Variants in DPH6 observed in about 807,000 individuals in gnomAD.
The protein encoded by DPH6 is diphthine--ammonia ligase.
Under a neutral mutation model 38.2 loss-of-function variants are expected in DPH6, and 33 were observed. The ratio of observed to expected loss-of-function variants is 0.86; its 90% CI spans 0.65 to 1.15. The LOEUF is 1.15. Among genes scored for constraint, DPH6 ranks in the 50% most tolerant of loss-of-function variants. The pLI is 0.00. For synonymous variants in DPH6, 108 were observed against 103.0 expected (o/e 1.05, Z -0.30); for missense variants, 325 against 320.0 (o/e 1.02, Z -0.12).
the DPH6 span, among the ~76,000 whole-genome samples, chr15:35,167,659 T>G: frequency 6.6e-6 from 1 of 151,660 alleles, no homozygotes; most frequent in African/African-American, 2.4e-5. Context: ...GTTAGACAGA[T>G]AGTTTAATAG....
At chr15:35,157,049 A>G in the DPH6 span, among the ~76,000 whole-genome samples, 32 of 152,298 alleles carry the variant, frequency 2.1e-4, no homozygotes, top group South Asian at 3.9e-3. Flanking sequence ...ATCATTACAC[A>G]ATCTGTTTCA....
intron 6 of DPH6, among the ~76,000 whole-genome samples, chr15:35,405,532 T>C (rs2053280209): frequency 6.6e-6 from 1 of 152,124 alleles, no homozygotes. Context: ...GACATGCTAT[T>C]GATTTTTGTT....
At chr15:35,191,744 C>T in the DPH6 span, among the ~76,000 whole-genome samples, 1 of 152,152 alleles carries the variant, frequency 6.6e-6, no homozygotes, top group African/African-American at 2.4e-5. Context: ...CTGAGAAAAA[C>T]AACCCTCAGA....
chr15:35,290,295 C>G (rs1194499341), intron 3 of DPH6, among the ~76,000 whole-genome samples: 1 of 152,180 alleles, frequency 6.6e-6, no homozygotes, highest in East Asian at 1.9e-4. Context: ...CAGCGAGACC[C>G]AATCCCCTCA....
chr15:35,460,948 C>G (rs1595384507), intron 3 of DPH6, among the ~76,000 whole-genome samples: 1 of 148,146 alleles, frequency 6.8e-6, no homozygotes, highest in East Asian at 2.0e-4. Context: ...TATTTCCACA[C>G]CTATCTGTAG....
chr15:35,227,983 A>G (rs2051493838), intron 3 of DPH6, among the ~76,000 whole-genome samples: 1 of 152,136 alleles, frequency 6.6e-6, no homozygotes, highest in Non-Finnish European at 1.5e-5. Context: ...TGGTCACAGA[A>G]GATGCTTGCT....
At chr15:35,400,621 C>T in intron 6 of DPH6, 1 of 490,344 alleles carries the variant, frequency 2.0e-6, no homozygotes, top group South Asian at 3.0e-5. Flanking sequence ...TAAAATATTA[C>T]AAAATTAGCC....
At chr15:35,174,071 C>T in the DPH6 span, among the ~76,000 whole-genome samples, 1 of 152,144 alleles carries the variant, frequency 6.6e-6, no homozygotes, top group Non-Finnish European at 1.5e-5. Flanking sequence ...CACTACTGTC[C>T]TTATTCTCTC....
chr15:35,170,404 T>G, the DPH6 span, among the ~76,000 whole-genome samples: 1 of 152,162 alleles, frequency 6.6e-6, no homozygotes, highest in African/African-American at 2.4e-5. Flanking sequence ...AAAATGCTCT[T>G]GGAAAATAAA....
chr15:35,301,844 T>C (rs992282844), intron 3 of DPH6, among the ~76,000 whole-genome samples: 16 of 151,986 alleles, frequency 1.1e-4, no homozygotes, highest in Admixed American at 2.0e-4. Context: ...TGTGGTGGCA[T>C]GTGCCTGTAA....
intron 3 of DPH6, among the ~76,000 whole-genome samples, chr15:35,314,230 G>A (rs900470410): frequency 1.2e-4 from 19 of 152,132 alleles, no homozygotes; most frequent in African/African-American, 4.1e-4. Context: ...GTAAGTTGGT[G>A]CAAAAGTAAT....
intron 3 of DPH6, among the ~76,000 whole-genome samples, chr15:35,457,960 A>C (rs957480500): frequency 6.6e-6 from 1 of 152,198 alleles, no homozygotes; most frequent in African/African-American, 2.4e-5. Context: ...CCCTCAAATC[A>C]AAATCCACAG....
At position 35,231,473 on chromosome 15, in the gene DPH6, T is replaced by C. The variant is rs199768377; in HGVS notation, n.201-10891A>G. Among the ~76,000 whole-genome samples the C allele has an allele frequency of 3.9e-4, 60 of 152,336 alleles. No individual in the cohort carries two copies. In the East Asian group the frequency reaches 7.3e-3, roughly 19 times the overall value. On this transcript the variant is annotated intron_variant and non_coding_transcript_variant, in intron 3 of 3. Coordinates refer to the DPH6 transcript ENST00000560386. ...GATATAGAGTTAAAACCAGGTACTG[T>C]GAGTTCTCATCTGATTTTTGGTTCA... is the stretch of plus-strand genomic sequence containing the variant.
At chr15:35,310,001 C>CT (rs950140021) in intron 3 of DPH6, among the ~76,000 whole-genome samples, 5 of 152,100 alleles carry the variant, frequency 3.3e-5, no homozygotes, top group Admixed American at 3.3e-4. Flanking sequence ...TAGAAGAAAA[C>CT]TTTTTTTTCC....
At chr15:35,378,631 G>A (rs1176405593) in intron 7 of DPH6, among the ~76,000 whole-genome samples, 1 of 152,100 alleles carries the variant, frequency 6.6e-6, no homozygotes, top group African/African-American at 2.4e-5. Context: ...ATACATCATG[G>A]AATACTATGC....
chr15:35,371,910 A>C lies in DPH6; in HGVS notation c.*240T>G, dbSNP rs2052717176. 8.3e-7 allele frequency: 1 copy of C among 1,208,960 alleles called. No homozygotes were observed. The highest frequency in any genetic ancestry group is 1.0e-6 in the Non-Finnish European group (1 of 965,480). The allele number at this position is 1,208,960 out of a possible 1,614,324, so 74.9% of individuals were successfully genotyped here. On this transcript the variant is annotated 3_prime_UTR_variant, in exon 9 of 9. Transcript: ENST00000256538. The stretch of plus-strand genomic sequence containing the variant: ...ATAAAAGAAAAAAAAGGTCATAGGG[A>C]AGATGTGTTAACGAAAGAGAAAGAG...
chr15:35,356,304 A>G (rs1276891393), intron 3 of DPH6, among the ~76,000 whole-genome samples: 5 of 152,310 alleles, frequency 3.3e-5, no homozygotes, highest in Middle Eastern at 3.4e-3. Context: ...TTCTCTGTCC[A>G]GCTTTGTTCT....
At chr15:35,190,306 T>C in the DPH6 span, among the ~76,000 whole-genome samples, 1 of 152,348 alleles carries the variant, frequency 6.6e-6, no homozygotes, top group African/African-American at 2.4e-5. Context: ...CAGAGCCAGC[T>C]CTTCGGAAGA....
At chr15:35,292,191 A>G (rs1040567396) in intron 3 of DPH6, among the ~76,000 whole-genome samples, 7 of 152,196 alleles carry the variant, frequency 4.6e-5, no homozygotes, top group African/African-American at 1.4e-4. Context: ...AAAAATTGCC[A>G]TGCTAAAAAT....
Sources: gnomAD v4.1 joint callset for allele counts (sites outside exome capture counted in the v4.1 genomes callset) on GRCh38, gnomAD v4.1.1 for gene constraint, MANE v1.5 for transcripts, NCBI Gene and HGNC (gene_info 2026-07-23, HGNC 2026-07-21) for gene names.